The following CIT variants were observed in gnomAD, a reference collection of about 807,000 sequenced individuals.
The protein encoded by CIT is citron rho-interacting serine/threonine kinase.
CIT carries 79 observed loss-of-function variants against 272.7 expected under a neutral mutation model. The observed-to-expected ratio is 0.29, with a 90% CI of 0.24 to 0.35. The LOEUF (loss-of-function observed/expected upper bound fraction) is 0.35. Among genes scored for constraint, CIT ranks in the 10% least tolerant of loss-of-function variants. CIT has a pLI of 1.00. For missense variants in CIT, 1,909 were observed against 2,618.3 expected (o/e 0.73, Z 5.91); for synonymous variants, 948 against 995.6 (o/e 0.95, Z 0.90).
At chr12:119,816,002 A>G (rs1399751216) in intron 9 of CIT, among the ~76,000 whole-genome samples, 1 of 152,212 alleles carries the variant, frequency 6.6e-6, no homozygotes, top group Admixed American at 6.5e-5. Flanking sequence ...ACCACTGCCA[A>G]CTTCGGGCTC....
chr12:119,760,700 T>C (rs12824855), intron 20 of CIT, among the ~76,000 whole-genome samples: 2 of 150,898 alleles, frequency 1.3e-5, no homozygotes, highest in Non-Finnish European at 2.9e-5. Context: ...GGACAGTATT[T>C]TAGCAGACAG....
chr12:119,708,838 A>T (rs905228202), intron 39 of CIT, among the ~76,000 whole-genome samples: 14 of 152,212 alleles, frequency 9.2e-5, no homozygotes, highest in African/African-American at 2.4e-4. Context: ...TTTAGTCAAG[A>T]TTCTGAGGAG....
rs143030033 is a variant in CIT, at chr12:119,876,146, G to A, written c.23C>T (p.Ala8Val). The A allele has an allele frequency of 3.1e-4, 502 of 1,613,480 alleles. No homozygotes were observed. The highest frequency in any genetic ancestry group is 3.9e-4 in the Non-Finnish European group (465 of 1,179,708). ...AGCACCAGCATCCAAAGGATTCCGC[G>A]CTCCATATTTGAACTTCAACATCTC... MLKFKYG[A>V]RNPLDAGAAE... Residue 8 changes from alanine to valine, a missense_variant, in exon 2 of 48, where the codon GCG becomes GTG. Transcript: ENST00000392521.
chr12:119,767,081 CT>C lies in CIT; in HGVS notation c.2304+5del. 1 of 1,605,228 alleles carries C rather than the reference CT, an allele frequency of 6.2e-7. No homozygotes were observed. The highest frequency in any genetic ancestry group is 8.5e-7 in the Non-Finnish European group (1 of 1,175,120). ...AAGGCCAGGGAAGATCAGAAAATGTCTTTACTTTAATCTTTTCCTCATAGTG... is the reference window on the plus strand; with the variant it reads ...AAGGCCAGGGAAGATCAGAAAATGTCTTACTTTAATCTTTTCCTCATAGTG... On this transcript the variant is annotated splice_donor_5th_base_variant and intron_variant, in intron 19 of 47. Coordinates refer to ENST00000392521, the MANE Select transcript of CIT (RefSeq NM_001206999.2).
chr12:119,700,446 G>C (rs1956492568), intron 44 of CIT, among the ~76,000 whole-genome samples: 1 of 152,166 alleles, frequency 6.6e-6, no homozygotes, highest in Non-Finnish European at 1.5e-5. Flanking sequence ...GCAGTGGTGT[G>C]ATCTCAGCTC....
intron 37 of CIT, among the ~76,000 whole-genome samples, chr12:119,711,936 C>T (rs994283076): frequency 1.3e-5 from 2 of 152,172 alleles, no homozygotes; most frequent in Admixed American, 6.5e-5. Context: ...GGACCACAGG[C>T]ATGAGCCACC....
At chr12:119,870,295 A>T (rs1181516971) in intron 2 of CIT, among the ~76,000 whole-genome samples, 2 of 152,162 alleles carry the variant, frequency 1.3e-5, no homozygotes, top group Non-Finnish European at 2.9e-5. Context: ...TCACATCTGT[A>T]ATCCCAGCAC....
At chr12:119,820,360 G>A (rs1042862574) in intron 9 of CIT, among the ~76,000 whole-genome samples, 7 of 152,090 alleles carry the variant, frequency 4.6e-5, no homozygotes, top group African/African-American at 1.7e-4. Context: ...AGATCAGCCT[G>A]ACCAACATGG....
In CIT at chr12:119,764,092, G is replaced by A. The variant is rs77791687; in HGVS notation, c.2304+2995C>T. The stretch of plus-strand genomic sequence containing the variant: ...TTAAGTTTCAGTTTTTATAGCCTCA[G>A]TGGTCAAGAAAAGGCAGAAATGAAA... On this transcript the variant is annotated intron_variant, in intron 19 of 47. Transcript: ENST00000392521. Among the ~76,000 whole-genome samples the A allele has an allele frequency of 9.4e-3, 1,428 of 152,292 alleles. 8 individuals carry two copies. The highest frequency in any genetic ancestry group is 0.013 in the Non-Finnish European group (907 of 68,026).
At chr12:119,817,133 G>A (rs768550162) in intron 9 of CIT, among the ~76,000 whole-genome samples, 46 of 152,186 alleles carry the variant, frequency 3.0e-4, no homozygotes, top group Non-Finnish European at 5.4e-4. Context: ...TCTGAGACAT[G>A]GGGAGAGTTA....
At chr12:119,699,902 C>A (rs1464283416) in intron 44 of CIT, 1 of 455,982 alleles carries the variant, frequency 2.2e-6, no homozygotes, top group African/African-American at 2.0e-5. Context: ...CACACAGATA[C>A]GTATGTACAT....
chr12:119,821,723 G>A (rs2138036750), intron 9 of CIT, among the ~76,000 whole-genome samples: 1 of 152,280 alleles, frequency 6.6e-6, no homozygotes, highest in African/African-American at 2.4e-5. Flanking sequence ...CTTTCTAAAA[G>A]CATAAAAGGA....
chr12:119,802,795 T>G (rs1051478728), intron 10 of CIT, among the ~76,000 whole-genome samples: 1 of 152,214 alleles, frequency 6.6e-6, no homozygotes, highest in Non-Finnish European at 1.5e-5. Context: ...ACAGCCAAGA[T>G]AGCAACCCCC....
intron 3 of CIT, among the ~76,000 whole-genome samples, chr12:119,860,304 T>C (rs1259710195): frequency 2.0e-5 from 3 of 151,652 alleles, no homozygotes; most frequent in East Asian, 3.9e-4. Context: ...CAGGCAAGAG[T>C]GGTGGGTGGA....
At chr12:119,707,942 C>T (rs567899416) in intron 40 of CIT, among the ~76,000 whole-genome samples, 5 of 152,342 alleles carry the variant, frequency 3.3e-5, no homozygotes, top group African/African-American at 1.2e-4. Context: ...GGAATCCTCA[C>T]TTACAAACCT....
At chr12:119,735,074 G>T in intron 25 of CIT, 86 bp downstream of exon 25, 1 of 1,293,176 alleles carries the variant, frequency 7.7e-7, no homozygotes, top group Non-Finnish European at 1.1e-6. Context: ...GTTCAGTGTT[G>T]GAACCCTTGG....
chr12:119,718,521 G>A lies in CIT; in HGVS notation c.4004-112C>T, dbSNP rs147422484. The A allele has an allele frequency of 6.4e-5, 93 of 1,442,834 alleles. No homozygotes were observed. Among genetic ancestry groups the A allele is most frequent in the East Asian group, 4.1e-4 (18 of 43,692 alleles). The allele number at this position is 1,442,834 out of a possible 1,614,324, so 89.4% of individuals were successfully genotyped here. ...AGGACCCAAGACCAAAAGAATATGC[G>A]TCACATCAACTTGGCAATGCACAGG... On this transcript the variant is annotated intron_variant, in intron 31 of 47. Transcript: ENST00000392521. The surrounding 1 kb of genome is among the most constrained non-coding windows in gnomAD (Gnocchi z 4.8).
intron 46 of CIT, among the ~76,000 whole-genome samples, chr12:119,693,001 T>A: frequency 6.6e-6 from 1 of 151,680 alleles, no homozygotes; most frequent in Non-Finnish European, 1.5e-5. Context: ...GAGAACTACA[T>A]TAAGCCTACT....
chr12:119,692,247 A>G (rs1310828585), intron 46 of CIT, among the ~76,000 whole-genome samples: 1 of 152,250 alleles, frequency 6.6e-6, no homozygotes, highest in Non-Finnish European at 1.5e-5. Flanking sequence ...CCAGGAGTTC[A>G]AGACCAGCCC....
Sources: gnomAD v4.1 joint callset for allele counts (sites outside exome capture counted in the v4.1 genomes callset) on GRCh38, gnomAD v4.1.1 for gene constraint, Gnocchi (gnomAD v3.1) non-coding constraint, MANE v1.5 for transcripts, NCBI Gene and HGNC (gene_info 2026-07-23, HGNC 2026-07-21) for gene names.